Variants in CNTNAP2 observed in about 807,000 individuals in gnomAD.
The protein encoded by CNTNAP2 is contactin-associated protein-like 2.
CNTNAP2 carries 98 observed loss-of-function variants against 155.2 expected under a neutral mutation model. The observed-to-expected ratio is 0.63, with a 90% CI of 0.54 to 0.75. The LOEUF (loss-of-function observed/expected upper bound fraction) is 0.75, where lower values mean the gene tolerates loss of function less well. Among genes scored for constraint, CNTNAP2 ranks in the 30% least tolerant of loss-of-function variants. CNTNAP2 has a pLI of 0.00. For missense variants in CNTNAP2, 1,727 were observed against 1,688.1 expected (o/e 1.02, Z -0.40); for synonymous variants, 651 against 631.2 (o/e 1.03, Z -0.47).
intron 12 of CNTNAP2, among the ~76,000 whole-genome samples, chr7:147,628,377 A>G (rs1445290325): frequency 6.6e-6 from 1 of 152,188 alleles, no homozygotes; most frequent in Non-Finnish European, 1.5e-5. Flanking sequence ...GTATCCAGTA[A>G]AATGGAGCTT....
intron 12 of CNTNAP2, among the ~76,000 whole-genome samples, chr7:147,597,285 G>T (rs1800842107): frequency 6.6e-6 from 1 of 151,938 alleles, no homozygotes. Context: ...CTTCTATCTA[G>T]AACTTTCCCC....
At chr7:147,265,980 C>T (rs533516825) in intron 8 of CNTNAP2, among the ~76,000 whole-genome samples, 2 of 152,276 alleles carry the variant, frequency 1.3e-5, no homozygotes, top group South Asian at 4.1e-4. Flanking sequence ...AAAACCTCAT[C>T]CAAAGGTCAG....
intron 3 of CNTNAP2, among the ~76,000 whole-genome samples, chr7:146,939,019 A>G (rs1796988248): frequency 6.6e-6 from 1 of 152,268 alleles, no homozygotes; most frequent in Admixed American, 6.5e-5. Flanking sequence ...TGGAAACCTG[A>G]CATTTACAAG....
chr7:147,123,807 A>C (rs749738959), intron 6 of CNTNAP2, among the ~76,000 whole-genome samples: 6 of 152,064 alleles, frequency 3.9e-5, no homozygotes, highest in Non-Finnish European at 7.4e-5. Context: ...TTGGGAGGCC[A>C]AGGCGGGTGG....
chr7:147,532,608 G>A (rs777775575), intron 11 of CNTNAP2, among the ~76,000 whole-genome samples: 1 of 152,110 alleles, frequency 6.6e-6, no homozygotes, highest in Non-Finnish European at 1.5e-5. Context: ...TACTGTATTA[G>A]TCTGTTTTCA....
At position 146,345,051 on chromosome 7, in the gene CNTNAP2, T is replaced by G. The variant is rs115146349; in HGVS notation, c.97+228078T>G. Among the ~76,000 whole-genome samples the G allele has an allele frequency of 3.0e-3, 458 of 152,288 alleles. 2 individuals are homozygous for G. The highest frequency in any genetic ancestry group is 0.01 in the African/African-American group (436 of 41,570). ...AGCTAACACTACTAATTGGAATGGATTTAAAATTTAGCAAACAGAGTTCTT... is the reference window on the plus strand; with the variant it reads ...AGCTAACACTACTAATTGGAATGGAGTTAAAATTTAGCAAACAGAGTTCTT... On this transcript the variant is annotated intron_variant, in intron 1 of 23. Coordinates refer to ENST00000361727, the MANE Select transcript of CNTNAP2 (RefSeq NM_014141.6).
chr7:148,173,661 A>G (rs1435813789), intron 18 of CNTNAP2, among the ~76,000 whole-genome samples: 1 of 152,250 alleles, frequency 6.6e-6, no homozygotes, highest in Non-Finnish European at 1.5e-5. Flanking sequence ...TAACAGTGCT[A>G]TTACAGTGCA....
At chr7:148,191,508 G>T (rs1231912444) in intron 18 of CNTNAP2, among the ~76,000 whole-genome samples, 4 of 152,186 alleles carry the variant, frequency 2.6e-5, no homozygotes. Context: ...TACTGCCATA[G>T]ACTGGGTGGC....
chr7:146,510,685 G>C (rs147275470), intron 1 of CNTNAP2, among the ~76,000 whole-genome samples: 2 of 151,934 alleles, frequency 1.3e-5, no homozygotes, highest in Non-Finnish European at 1.5e-5. Flanking sequence ...TTTATTTGTA[G>C]AGATCCTTCA....
intron 1 of CNTNAP2, among the ~76,000 whole-genome samples, chr7:146,704,165 A>ACAC (rs750596397): frequency 6.6e-6 from 1 of 152,064 alleles, no homozygotes; most frequent in Non-Finnish European, 1.5e-5. Context: ...TTTTGCATTG[A>ACAC]CACACATGGT....
At chr7:147,562,344 CTA>C in intron 12 of CNTNAP2, 87 bp downstream of exon 12, 1 of 1,553,612 alleles carries the variant, frequency 6.4e-7, no homozygotes. Flanking sequence ...TTCTTTGGTG[CTA>C]TGTTTTTATC....
At chr7:148,389,000 G>A (rs1175658558) in intron 22 of CNTNAP2, among the ~76,000 whole-genome samples, 1 of 152,156 alleles carries the variant, frequency 6.6e-6, no homozygotes, top group Non-Finnish European at 1.5e-5. Context: ...ACCCACTTGA[G>A]GAGGCAGTCT....
At chr7:146,240,810 C>A (rs1420424250) in intron 1 of CNTNAP2, among the ~76,000 whole-genome samples, 1 of 152,116 alleles carries the variant, frequency 6.6e-6, no homozygotes, top group Non-Finnish European at 1.5e-5. Context: ...ATGTCATTAG[C>A]CCGTTCTTGC....
chr7:146,333,917 A>G (rs1292225774), intron 1 of CNTNAP2, among the ~76,000 whole-genome samples: 2 of 152,210 alleles, frequency 1.3e-5, no homozygotes, highest in Non-Finnish European at 2.9e-5. Flanking sequence ...GAATAAATGC[A>G]TTTATTTAAA....
At chr7:146,177,389 A>G (rs1001449318) in intron 1 of CNTNAP2, among the ~76,000 whole-genome samples, 1 of 152,212 alleles carries the variant, frequency 6.6e-6, no homozygotes, top group Non-Finnish European at 1.5e-5. Flanking sequence ...AAACAACAAC[A>G]GACTATTATC....
intron 5 of CNTNAP2, among the ~76,000 whole-genome samples, chr7:147,120,291 C>A (rs966787380): frequency 6.6e-6 from 1 of 152,122 alleles, no homozygotes; most frequent in Non-Finnish European, 1.5e-5. Context: ...TGTACTAACT[C>A]ATTGAATCCT....
At chr7:147,033,168 A>ATATATATATATATATG (rs1799072213) in intron 3 of CNTNAP2, among the ~76,000 whole-genome samples, 2 of 41,936 alleles carry the variant, frequency 4.8e-5, no homozygotes, top group African/African-American at 1.0e-4. Context: ...ATGTATATAT[A>ATATATATATATATATG]TATATATATA....
intron 1 of CNTNAP2, among the ~76,000 whole-genome samples, chr7:146,232,809 C>CA (rs1365692434): frequency 6.6e-6 from 1 of 151,924 alleles, no homozygotes; most frequent in Non-Finnish European, 1.5e-5. Context: ...TTGACGTTGA[C>CA]AAAAACAATG....
At chr7:146,717,081 C>T (rs969332137) in intron 1 of CNTNAP2, among the ~76,000 whole-genome samples, 14 of 152,076 alleles carry the variant, frequency 9.2e-5, no homozygotes, top group African/African-American at 3.4e-4. Context: ...AGACCTCCCC[C>T]TGAGTGGATT....
Sources: gnomAD v4.1 joint callset for allele counts (sites outside exome capture counted in the v4.1 genomes callset) on GRCh38, gnomAD v4.1.1 for gene constraint, MANE v1.5 for transcripts, NCBI Gene and HGNC (gene_info 2026-07-23, HGNC 2026-07-21) for gene names.